Variants in RMND1 observed in about 807,000 individuals in gnomAD.
The protein encoded by RMND1 is required for meiotic nuclear division 1 homolog, also known as required for meiotic nuclear division protein 1 homolog.
Under a neutral mutation model 54.0 loss-of-function variants are expected in RMND1, and 41 were observed. The observed-to-expected ratio is 0.76, with a 90% CI of 0.59 to 0.98. The LOEUF (loss-of-function observed/expected upper bound fraction) is 0.98, where lower values mean the gene tolerates loss of function less well. Among genes scored for constraint, RMND1 ranks in the 50% least tolerant of loss-of-function variants. RMND1 has a pLI of 0.00. For missense variants in RMND1, 457 were observed against 532.0 expected, an observed-to-expected ratio of 0.86 and a Z score of 1.39; for synonymous variants, 183 against 181.7, an observed-to-expected ratio of 1.01 and a Z score of -0.06.
intron 10 of RMND1, among the ~76,000 whole-genome samples, chr6:151,414,783 C>G (rs138540112): frequency 1.4e-3 from 207 of 152,148 alleles, no homozygotes; most frequent in Non-Finnish European, 1.8e-3. Context: ...AACAGAGCCT[C>G]AAAGACCTTG....
At chr6:151,448,744 TGAATCTCAACGC>T (rs1420098600) in intron 1 of RMND1, among the ~76,000 whole-genome samples, 1 of 152,194 alleles carries the variant, frequency 6.6e-6, no homozygotes, top group Non-Finnish European at 1.5e-5. Context: ...CCTTTGAAGT[TGAATCTCAACGC>T]GAAATCTAGC....
chr6:151,433,268 AG>A (rs1780496583), intron 3 of RMND1, 38 bp from the exon 4 acceptor site: 1 of 1,404,320 alleles, frequency 7.1e-7, no homozygotes, highest in Non-Finnish European at 1.0e-6. Flanking sequence ...AGCTATGTCA[AG>A]GTAACACAAG....
chr6:151,450,630 G>A (rs1180065472), intron 1 of RMND1, among the ~76,000 whole-genome samples: 2 of 148,096 alleles, frequency 1.4e-5, no homozygotes, highest in African/African-American at 5.0e-5. Context: ...GGTGAGGGGC[G>A]CCTCTGCCCG....
intron 4 of RMND1, among the ~76,000 whole-genome samples, chr6:151,432,560 T>G (rs1780479374): frequency 6.6e-6 from 1 of 152,088 alleles, no homozygotes; most frequent in South Asian, 2.1e-4. Context: ...TTTCCTCAGG[T>G]GCAAAATAGA....
chr6:151,411,992 C>T (rs1282492712), intron 10 of RMND1: 1 of 152,200 alleles, frequency 6.6e-6, no homozygotes, highest in Admixed American at 6.5e-5. Context: ...CCCCTACCCT[C>T]GAGCGTAGGC....
chr6:151,417,408 A>C lies in RMND1; in HGVS notation c.1080-9T>G, dbSNP rs779154360. On this transcript the variant is annotated splice_polypyrimidine_tract_variant and intron_variant, in intron 9 of 11. Transcript: ENST00000444024. ...TCAAGTTTATACGGTGCCTTTAAAA[A>C]GGAAAATTATAACTTTTTATTTATC... 4 of 1,554,602 alleles carry C rather than the reference A, an allele frequency of 2.6e-6. No homozygotes were observed. Among genetic ancestry groups the C allele is most frequent in the Non-Finnish European group, 3.5e-6 (4 of 1,145,462 alleles).
At chr6:151,411,976 T>A (rs1195287848) in intron 10 of RMND1, 1 of 152,226 alleles carries the variant, frequency 6.6e-6, no homozygotes, top group Non-Finnish European at 1.5e-5. Flanking sequence ...TTCACTTTTG[T>A]GTCATCCCCT....
In RMND1 at chr6:151,415,586, G is replaced by A. The variant is rs1311868558; in HGVS notation, c.1200+1693C>T. 4.0e-5 allele frequency among the ~76,000 whole-genome samples: 6 copies of A among 151,752 alleles called. No homozygotes were observed. In the East Asian group the frequency reaches 1.2e-3, roughly 29 times the overall value. On this transcript the variant is annotated intron_variant, in intron 10 of 11. Coordinates refer to ENST00000444024, the MANE Select transcript of RMND1 (RefSeq NM_017909.4). ...CCAGTTAAAAAGTCACATACAGATC[G>A]AGACCATCCTGGCTAAACACAGTGA...
intron 2 of RMND1, among the ~76,000 whole-genome samples, chr6:151,439,283 A>G (rs185827470): frequency 6.6e-6 from 1 of 152,338 alleles, no homozygotes; most frequent in East Asian, 1.9e-4. Flanking sequence ...ATCAAGTTTT[A>G]TACATCAAAA....
chr6:151,422,584 G>T lies in RMND1; in HGVS notation c.959C>A (p.Ala320Glu). Residue 320 changes from alanine to glutamate, a missense_variant, in exon 8 of 12, where the codon GCA becomes GAA. Ala to Glu is a moderately radical substitution (Grantham distance 107). Transcript: ENST00000444024. ...AGATTCAATAAATTTATCCAGTGAT[G>T]CTTCCCAAATTGCCAGTTTTACTGG... ...CLSVKLAIWE[A>E]SLDKFIESIQ... 6.5e-7 allele frequency: 1 copy of T among 1,538,136 alleles called. No homozygotes were observed. The highest frequency in any genetic ancestry group is 8.8e-7 in the Non-Finnish European group (1 of 1,132,538).
intron 1 of RMND1, among the ~76,000 whole-genome samples, chr6:151,451,217 A>C (rs948214604): frequency 4.0e-5 from 6 of 151,678 alleles, no homozygotes; most frequent in African/African-American, 7.3e-5. Context: ...AAAAAAAAAA[A>C]AACACAACCA....
intron 6 of RMND1, among the ~76,000 whole-genome samples, chr6:151,424,157 T>C (rs1780228111): frequency 6.6e-6 from 1 of 151,914 alleles, no homozygotes; most frequent in African/African-American, 2.4e-5. Flanking sequence ...AGCTGAAAAC[T>C]TTTAAAAAAA....
chr6:151,410,212 GC>G (rs1171790659), intron 10 of RMND1, among the ~76,000 whole-genome samples: 1 of 151,888 alleles, frequency 6.6e-6, no homozygotes, highest in Non-Finnish European at 1.5e-5. Context: ...CCGCCACCAC[GC>G]CCAGCTAATT....
At position 151,404,894 on chromosome 6, in the gene RMND1, T is replaced by C. The variant is rs1030832852; in HGVS notation, c.*341A>G. The C allele has an allele frequency of 9.4e-5, 18 of 190,796 alleles. No individual in the cohort carries two copies. The highest frequency in any genetic ancestry group is 5.5e-4 in the Admixed American group (9 of 16,480). The allele number at this position is 190,796 out of a possible 1,614,324, so 11.8% of individuals were successfully genotyped here. ...TTATTTTATTGTTTATTTTTGAGACTGAGTCTCACTGTTGCCCTGGCTGGA... is the reference window on the plus strand; with the variant it reads ...TTATTTTATTGTTTATTTTTGAGACCGAGTCTCACTGTTGCCCTGGCTGGA... On this transcript the variant is annotated 3_prime_UTR_variant, in exon 12 of 12. Transcript: ENST00000444024.
At chr6:151,435,840 C>G (rs1407296423) in intron 3 of RMND1, among the ~76,000 whole-genome samples, 1 of 150,414 alleles carries the variant, frequency 6.6e-6, no homozygotes, top group Non-Finnish European at 1.5e-5. Flanking sequence ...TGTGGTGGCT[C>G]AAACCTGTAA....
intron 10 of RMND1, 43 bp downstream of exon 10, chr6:151,417,236 G>A (rs367714058): frequency 2.6e-4 from 417 of 1,574,208 alleles, no homozygotes; most frequent in Non-Finnish European, 3.5e-4. Context: ...ACTTATAGGC[G>A]ACAACGTGTC....
At chr6:151,411,630 T>C (rs1779837238) in intron 10 of RMND1, 1 of 152,160 alleles carries the variant, frequency 6.6e-6, no homozygotes. Context: ...AGTTGCAGAC[T>C]TGACTTCAGT....
chr6:151,444,100 T>C (rs1780876098), intron 2 of RMND1, among the ~76,000 whole-genome samples: 1 of 152,228 alleles, frequency 6.6e-6, no homozygotes, highest in African/African-American at 2.4e-5. Context: ...AGTCTAAGGA[T>C]GGCCCAAAGA....
intron 11 of RMND1, 130 bp downstream of exon 11, chr6:151,405,590 A>C (rs1562779444): frequency 1.6e-6 from 1 of 631,784 alleles, no homozygotes; most frequent in Middle Eastern, 4.1e-4. Context: ...TTCCAAATAG[A>C]GTTAGTAATG....
Sources: gnomAD v4.1 joint callset for allele counts (sites outside exome capture counted in the v4.1 genomes callset) on GRCh38, gnomAD v4.1.1 for gene constraint, MANE v1.5 for transcripts, NCBI Gene and HGNC (gene_info 2026-07-23, HGNC 2026-07-21) for gene names.